Variants in FAM135B observed in about 807,000 individuals in gnomAD.
FAM135B encodes the protein protein FAM135B.
In FAM135B, 43 loss-of-function variants were observed where a neutral mutation model predicts 127.7. That is an observed-to-expected ratio of 0.34 (90% CI 0.26 to 0.43). The LOEUF is 0.43. FAM135B is among the 20% of genes least tolerant of loss of function. The probability of loss-of-function intolerance (pLI) is 1.00; values close to 1 mark genes in which losing one functional copy is unlikely to be tolerated. For missense variants in FAM135B, 1,558 were observed against 1,725.6 expected (o/e 0.90, Z 1.72); for synonymous variants, 670 against 665.1 (o/e 1.01, Z -0.11).
chr8:138,434,838 T>C (rs1835374281), intron 1 of FAM135B, among the ~76,000 whole-genome samples: 1 of 152,092 alleles, frequency 6.6e-6, no homozygotes, highest in Admixed American at 6.6e-5. Context: ...CATGCCAGTA[T>C]TGTGTCACTA....
intron 16 of FAM135B, among the ~76,000 whole-genome samples, chr8:138,142,260 T>G (rs1817231907): frequency 6.6e-6 from 1 of 151,030 alleles, no homozygotes; most frequent in Non-Finnish European, 1.5e-5. Context: ...AACTCTCTCT[T>G]TGGGGTGGGC....
chr8:138,333,544 C>T lies in FAM135B; in HGVS notation c.78-22624G>A, dbSNP rs145049364. Among the ~76,000 whole-genome samples the T allele has an allele frequency of 3.9e-3, 589 of 152,178 alleles. 3 individuals are homozygous for T. Among genetic ancestry groups the T allele is most frequent in the Non-Finnish European group, 6.2e-3 (422 of 68,016 alleles). On this transcript the variant is annotated intron_variant, in intron 2 of 19. Coordinates refer to ENST00000395297, the MANE Select transcript of FAM135B (RefSeq NM_015912.4). ...CTCTGTTGTCTAAGGGCCGGGGGCT[C>T]CCCACTGTTTTCTAAAGATAATACC...
chr8:138,409,793 T>C (rs1366609690), intron 1 of FAM135B, among the ~76,000 whole-genome samples: 2 of 145,218 alleles, frequency 1.4e-5, no homozygotes, highest in African/African-American at 2.6e-5. Context: ...TAGAATGGCA[T>C]GAACTCAAGA....
intron 2 of FAM135B, among the ~76,000 whole-genome samples, chr8:138,320,880 C>G (rs1014786250): frequency 3.9e-5 from 6 of 152,196 alleles, no homozygotes; most frequent in African/African-American, 7.2e-5. Context: ...AATCCACATG[C>G]AACTTTTGTA....
At chr8:138,491,989 G>A (rs1218711310) in intron 1 of FAM135B, among the ~76,000 whole-genome samples, 4 of 152,322 alleles carry the variant, frequency 2.6e-5, no homozygotes, top group African/African-American at 9.6e-5. Context: ...GCTGAATGTC[G>A]TGTAGGTTGC....
At chr8:138,161,509 C>T (rs1409891008) in intron 12 of FAM135B, among the ~76,000 whole-genome samples, 1 of 152,192 alleles carries the variant, frequency 6.6e-6, no homozygotes, top group Non-Finnish European at 1.5e-5. Context: ...AAAAAAAGGA[C>T]TGGATTTTTA....
At chr8:138,250,404 C>A (rs907586290) in intron 6 of FAM135B, among the ~76,000 whole-genome samples, 1 of 152,074 alleles carries the variant, frequency 6.6e-6, no homozygotes, top group South Asian at 2.1e-4. Context: ...TACATTTGAA[C>A]AAATAACAAC....
chr8:138,358,193 G>T (rs1830207358), intron 2 of FAM135B: 2 of 152,054 alleles, frequency 1.3e-5, no homozygotes, highest in Non-Finnish European at 2.9e-5. Context: ...CCTCCCACCA[G>T]GTTCTTCCCA....
intron 3 of FAM135B, among the ~76,000 whole-genome samples, chr8:138,281,688 T>G (rs1484698508): frequency 6.6e-6 from 1 of 152,184 alleles, no homozygotes; most frequent in African/African-American, 2.4e-5. Flanking sequence ...AAGGGTCACC[T>G]CCCTGTAAAT....
At chr8:138,352,742 T>A (rs1829858789) in intron 2 of FAM135B, among the ~76,000 whole-genome samples, 1 of 152,126 alleles carries the variant, frequency 6.6e-6, no homozygotes, top group South Asian at 2.1e-4. Context: ...ATAAATAAAG[T>A]ACATTGGTTC....
At chr8:138,219,891 T>A (rs1818888310) in intron 7 of FAM135B, among the ~76,000 whole-genome samples, 2 of 152,192 alleles carry the variant, frequency 1.3e-5, no homozygotes, top group African/African-American at 4.8e-5. Flanking sequence ...TATGAACTAT[T>A]CATAGACAAC....
At chr8:138,403,767 A>G (rs1434277886) in intron 1 of FAM135B, among the ~76,000 whole-genome samples, 1 of 152,172 alleles carries the variant, frequency 6.6e-6, no homozygotes, top group East Asian at 1.9e-4. Context: ...CCTACACCTC[A>G]GTGTTCCTCC....
chr8:138,244,545 G>C (rs1046182144), intron 6 of FAM135B, among the ~76,000 whole-genome samples: 2 of 152,198 alleles, frequency 1.3e-5, no homozygotes, highest in Non-Finnish European at 2.9e-5. Context: ...AAGCAGCAAG[G>C]CTTCCATCAA....
At position 138,176,286 on chromosome 8, in the gene FAM135B, C is replaced by T. The variant is rs186100390; in HGVS notation, c.1103+1061G>A. Among the ~76,000 whole-genome samples, 16 of 152,314 alleles carry T rather than the reference C, an allele frequency of 1.1e-4. No homozygotes were observed. The East Asian group carries it at 2.5e-3, about 24-fold the overall frequency. On this transcript the variant is annotated intron_variant, in intron 11 of 19. Coordinates refer to ENST00000395297, the MANE Select transcript of FAM135B (RefSeq NM_015912.4). ...ACAATCGAAGGTTTACCTATTGTTG[C>T]AGTAACTCTGGAAAGAAGATTTCCT...
chr8:138,311,874 G>A lies in FAM135B; in HGVS notation c.78-954C>T, dbSNP rs183020246. On this transcript the variant is annotated intron_variant, in intron 2 of 19. Coordinates refer to ENST00000395297, the MANE Select transcript of FAM135B (RefSeq NM_015912.4). ...GGCGCTGGATTCATAGCTGCAGCAT[G>A]AGTGACACATTTCCAGCTGTGTGAC... 4.1e-4 allele frequency among the ~76,000 whole-genome samples: 63 copies of A among 152,254 alleles called. 1 individual carries two copies. The South Asian group carries it at 4.6e-3, about 11-fold the overall frequency.
At chr8:138,403,561 T>A (rs1408272393) in intron 1 of FAM135B, among the ~76,000 whole-genome samples, 1 of 152,144 alleles carries the variant, frequency 6.6e-6, no homozygotes. Flanking sequence ...CTATAAAAAA[T>A]TCATAAATGT....
chr8:138,339,999 A>G (rs11166811), intron 2 of FAM135B, among the ~76,000 whole-genome samples: 79,276 of 152,022 alleles, frequency 0.52, 22,453 homozygotes, highest in Non-Finnish European at 0.65. Flanking sequence ...TGATCCCTGG[A>G]CGCCAGGCCT....
chr8:138,239,798 A>G (rs1215529638), intron 7 of FAM135B, among the ~76,000 whole-genome samples: 1 of 152,220 alleles, frequency 6.6e-6, no homozygotes, highest in East Asian at 1.9e-4. Flanking sequence ...GAACACATAC[A>G]CCATGGAATA....
intron 1 of FAM135B, among the ~76,000 whole-genome samples, chr8:138,407,455 T>A (rs1833584363): frequency 6.6e-6 from 1 of 152,124 alleles, no homozygotes; most frequent in South Asian, 2.1e-4. Context: ...GCCAAGTCAA[T>A]CCTAAGCCAA....
Sources: gnomAD v4.1 joint callset for allele counts (sites outside exome capture counted in the v4.1 genomes callset) on GRCh38, gnomAD v4.1.1 for gene constraint, MANE v1.5 for transcripts, NCBI Gene and HGNC (gene_info 2026-07-23, HGNC 2026-07-21) for gene names.